Variants in GBE1 observed in about 807,000 individuals in gnomAD.
The protein encoded by GBE1 is 1,4-alpha-glucan branching enzyme 1.
GBE1 carries 70 observed loss-of-function variants against 88.8 expected under a neutral mutation model. The observed-to-expected ratio is 0.79, with a 90% CI of 0.65 to 0.96. The LOEUF is 0.96. Ranked by LOEUF, GBE1 falls within the 40% of genes least tolerant of loss-of-function variation. The probability of loss-of-function intolerance (pLI) is 0.00; values close to 1 mark genes in which losing one functional copy is unlikely to be tolerated. For missense variants in GBE1, 872 were observed against 871.0 expected, an observed-to-expected ratio of 1.00 and a Z score of -0.01; for synonymous variants, 284 against 300.1, an observed-to-expected ratio of 0.95 and a Z score of 0.56.
chr3:81,686,311 G>A (rs1450865385), intron 2 of GBE1, among the ~76,000 whole-genome samples: 2 of 152,118 alleles, frequency 1.3e-5, no homozygotes, highest in Admixed American at 1.3e-4. Flanking sequence ...ACTGCAGGAA[G>A]ATAAAGGAAG....
chr3:81,529,922 C>T lies in GBE1; in HGVS notation c.1934+5273G>A, dbSNP rs541774020. Among the ~76,000 whole-genome samples the T allele has an allele frequency of 5.3e-5, 8 of 151,756 alleles. No homozygotes were observed. In the South Asian group the frequency reaches 1.7e-3, roughly 32 times the overall value. ...ACTTTCTACCTGAATGAATCAGTCT[C>T]TCTCTCTCTCTCTCTCCATCCTCTT... On this transcript the variant is annotated intron_variant, in intron 14 of 15. Coordinates refer to ENST00000429644, the MANE Select transcript of GBE1 (RefSeq NM_000158.4).
chr3:81,736,467 A>G (rs1222989924), intron 1 of GBE1, among the ~76,000 whole-genome samples: 1 of 152,170 alleles, frequency 6.6e-6, no homozygotes, highest in Admixed American at 6.6e-5. Context: ...AATTAAGTAC[A>G]CACATATTTG....
At chr3:81,681,482 G>A (rs1381317606) in intron 2 of GBE1, among the ~76,000 whole-genome samples, 9 of 152,202 alleles carry the variant, frequency 5.9e-5, no homozygotes, top group Non-Finnish European at 1.3e-4. Flanking sequence ...AGTCCATGGT[G>A]TGGGAGCATG....
chr3:81,512,282 C>G (rs1199697278), intron 14 of GBE1, among the ~76,000 whole-genome samples: 1 of 151,618 alleles, frequency 6.6e-6, no homozygotes, highest in Non-Finnish European at 1.5e-5. Context: ...ATTCACAACC[C>G]AAAACTTCGC....
chr3:81,705,507 C>G lies in GBE1; in HGVS notation c.250G>C (p.Gly84Arg). ...GCCCATTCTTTGCAGTATAAACCAC[C>G]ATCAGCACATCTGTGGACGCCAAAT... ...ESFGVHRCAD[G>R]GLYCKEWAPG... is the part of the protein sequence containing the mutation. The change falls in exon 2 of 16, where the codon GGT becomes CGT. Residue 84 changes from glycine (G) to arginine (R), a missense_variant. Coordinates refer to ENST00000429644, the MANE Select transcript of GBE1 (RefSeq NM_000158.4). 1 of 1,603,276 alleles carries G rather than the reference C, an allele frequency of 6.2e-7. No individual in the cohort carries two copies. Among genetic ancestry groups the G allele is most frequent in the South Asian group, 1.1e-5 (1 of 88,548 alleles).
intron 7 of GBE1, among the ~76,000 whole-genome samples, chr3:81,640,737 G>T (rs955339145): frequency 6.6e-6 from 1 of 151,642 alleles, no homozygotes; most frequent in African/African-American, 2.4e-5. Context: ...TTAGATATTG[G>T]TCAAACAGAA....
rs574263932 is a variant in GBE1 at position 81,700,497 on chromosome 3, G to A, written c.313+4947C>T. Among the ~76,000 whole-genome samples, 8 of 152,160 alleles carry A rather than the reference G, an allele frequency of 5.3e-5. No individual in the cohort carries two copies. In the South Asian group the frequency reaches 1.7e-3, roughly 32 times the overall value. On this transcript the variant is annotated intron_variant, in intron 2 of 15. Coordinates refer to ENST00000429644, the MANE Select transcript of GBE1 (RefSeq NM_000158.4). ...TGTATTGTAATTATTAGATTCTACA[G>A]AAATAAAATGACCCTGCCAAATTGC...
At chr3:81,718,181 T>C (rs1333713020) in intron 1 of GBE1, among the ~76,000 whole-genome samples, 6 of 151,996 alleles carry the variant, frequency 3.9e-5, no homozygotes, top group Non-Finnish European at 4.4e-5. Flanking sequence ...GGTTTGACCA[T>C]GTTGGCCAGT....
At chr3:81,631,351 A>G (rs1167958298) in intron 7 of GBE1, among the ~76,000 whole-genome samples, 1 of 152,172 alleles carries the variant, frequency 6.6e-6, no homozygotes, top group Non-Finnish European at 1.5e-5. Flanking sequence ...ATTGGAGGGA[A>G]ACAAAGTAGT....
In GBE1 at chr3:81,535,460, A is replaced by T. The variant is rs181040790; in HGVS notation, c.1804-135T>A. ...TTCAGAACACTATATTTTTTTGAAC[A>T]TGTTACAATTTTGCTGTACCTAACT... On this transcript the variant is annotated intron_variant, in intron 13 of 15. Coordinates refer to ENST00000429644, the MANE Select transcript of GBE1 (RefSeq NM_000158.4). 12 of 864,380 alleles carry T rather than the reference A, an allele frequency of 1.4e-5. No individual in the cohort carries two copies. In the African/African-American group the frequency reaches 1.9e-4, roughly 14 times the overall value. 53.5% of individuals were successfully genotyped at this position (864,380 alleles called of 1,614,324 possible). A position where few individuals can be genotyped will look rare whatever the true frequency, so the allele number is the denominator to read the frequency against.
chr3:81,650,079 A>C, intron 3 of GBE1, 158 bp from the exon 4 acceptor site: 1 of 536,708 alleles, frequency 1.9e-6, no homozygotes, highest in Non-Finnish European at 3.3e-6. Context: ...AATTCTATCA[A>C]TGTTGGTTTT....
In GBE1 at chr3:81,579,826, G is replaced by A. The variant is rs185476241; in HGVS notation, c.1446+1339C>T. Among the ~76,000 whole-genome samples the A allele has an allele frequency of 5.9e-3, 899 of 152,192 alleles. 6 individuals are homozygous for A. Among genetic ancestry groups the A allele is most frequent in the African/African-American group, 0.017 (711 of 41,536 alleles). On this transcript the variant is annotated intron_variant, in intron 11 of 15. Transcript: ENST00000429644. ...TTGGAAGATGCAAAATTTAACATGA[G>A]TTTACTTCAGAGGTCATCAAGTTTC... is the stretch of plus-strand genomic sequence containing the variant.
At chr3:81,619,669 A>T (rs2107010161) in intron 7 of GBE1, among the ~76,000 whole-genome samples, 1 of 152,224 alleles carries the variant, frequency 6.6e-6, no homozygotes, top group South Asian at 2.1e-4. Flanking sequence ...TATAAAGCAA[A>T]TAATTATATA....
chr3:81,591,209 AG>A (rs1576161318), intron 8 of GBE1, 45 bp from the exon 9 acceptor site: 2 of 1,475,560 alleles, frequency 1.4e-6, no homozygotes. Flanking sequence ...TTAACAAGCA[AG>A]TCTTAACTCT....
chr3:81,549,508 C>T (rs1703246842), intron 12 of GBE1, among the ~76,000 whole-genome samples: 1 of 151,144 alleles, frequency 6.6e-6, no homozygotes, highest in South Asian at 2.1e-4. Flanking sequence ...GAAAACTGGC[C>T]TCATACCTTG....
chr3:81,652,038 C>T (rs1704858463), intron 3 of GBE1, among the ~76,000 whole-genome samples: 1 of 152,204 alleles, frequency 6.6e-6, no homozygotes, highest in South Asian at 2.1e-4. Context: ...AGGCCCTGAC[C>T]ATTGTTAATG....
intron 8 of GBE1, 124 bp from the exon 9 acceptor site, chr3:81,591,288 G>C (rs1039978945): frequency 1.5e-6 from 1 of 657,454 alleles, no homozygotes; most frequent in Non-Finnish European, 2.4e-6. Flanking sequence ...AATAACATAA[G>C]CATCAGCAAA....
At chr3:81,655,674 G>A (rs1028991691) in intron 3 of GBE1, among the ~76,000 whole-genome samples, 24 of 151,850 alleles carry the variant, frequency 1.6e-4, no homozygotes, top group Non-Finnish European at 3.1e-4. Context: ...CTGCCACCAC[G>A]CCCAGATACT....
chr3:81,664,504 G>A (rs1168463421), intron 3 of GBE1, among the ~76,000 whole-genome samples: 1 of 148,788 alleles, frequency 6.7e-6, no homozygotes, highest in African/African-American at 2.5e-5. Flanking sequence ...GTCCAAACCT[G>A]AGAGCAGCTG....
Sources: allele counts gnomAD v4.1 joint callset (sites outside exome capture counted in the v4.1 genomes callset), GRCh38; gene constraint gnomAD v4.1.1; transcripts MANE v1.5; gene names NCBI Gene and HGNC (gene_info 2026-07-23, HGNC 2026-07-21).